The following PXK variants were observed in gnomAD, a reference collection of about 807,000 sequenced individuals.
The protein encoded by PXK is PX domain containing serine/threonine kinase like.
Under a neutral mutation model 84.7 loss-of-function variants are expected in PXK, and 35 were observed. That is an observed-to-expected ratio of 0.41 (90% CI 0.32 to 0.55). The LOEUF (loss-of-function observed/expected upper bound fraction) is 0.55. PXK is among the 20% of genes least tolerant of loss of function. The pLI, the probability that PXK is intolerant of heterozygous loss-of-function variation, is 0.21. For missense variants in PXK, 634 were observed against 699.7 expected (o/e 0.91, Z 1.06); for synonymous variants, 253 against 260.8 (o/e 0.97, Z 0.29).
Position 58,421,754 on chromosome 3 carries a change from A to T in PXK, c.1529-2998A>T. ...AGGTTCCCGTGTGGTTTGGTGGAGA[A>T]GATTTTGGGGTGGGTAGAGTAAGTA... is the stretch of plus-strand genomic sequence containing the variant. On this transcript the variant is annotated intron_variant, in intron 17 of 17. Transcript: ENST00000356151. The surrounding 1 kb of genome is among the most constrained non-coding windows in gnomAD (Gnocchi z 5.5). The T allele has an allele frequency of 2.0e-6, 2 of 985,370 alleles. No individual in the cohort carries two copies. Among genetic ancestry groups the T allele is most frequent in the Non-Finnish European group, 2.4e-6 (2 of 829,928 alleles). 61.0% of individuals were successfully genotyped at this position (985,370 alleles called of 1,614,324 possible).
At chr3:58,402,205 TCTC>T (rs993374608) in intron 12 of PXK, among the ~76,000 whole-genome samples, 2 of 151,566 alleles carry the variant, frequency 1.3e-5, no homozygotes, top group East Asian at 2.0e-4. Context: ...CCTCTTTCCC[TCTC>T]CTCCTCCTCT....
chr3:58,359,361 C>T (rs556431382), intron 1 of PXK, among the ~76,000 whole-genome samples: 2 of 151,882 alleles, frequency 1.3e-5, no homozygotes, highest in Admixed American at 6.6e-5. Context: ...GAAACCCCCT[C>T]TCTACTGAAA....
chr3:58,339,517 A>G (rs1170555317), intron 1 of PXK, among the ~76,000 whole-genome samples: 1 of 152,056 alleles, frequency 6.6e-6, no homozygotes, highest in African/African-American at 2.4e-5. Flanking sequence ...GGCATGAGCT[A>G]CCGTGCCCAG....
At chr3:58,361,830 A>G (rs141573460) in intron 1 of PXK, among the ~76,000 whole-genome samples, 379 of 152,338 alleles carry the variant, frequency 2.5e-3, no homozygotes, top group African/African-American at 8.6e-3. Context: ...TTATGTGAAT[A>G]TAAGTTTTCA....
rs1472858439 is a variant in PXK at position 58,416,135 on chromosome 3, G to T, written c.1528+3172G>T. 1.3e-5 allele frequency among the ~76,000 whole-genome samples: 2 copies of T among 152,162 alleles called. No homozygotes were observed. Among genetic ancestry groups the T allele is most frequent in the Non-Finnish European group, 2.9e-5 (2 of 68,038 alleles). On this transcript the variant is annotated intron_variant, in intron 17 of 17. Transcript: ENST00000356151. The surrounding 1 kb of genome is among the most constrained non-coding windows in gnomAD (Gnocchi z 4.8). ...CTAATCTGGGATCTTTGTGGTGAGG[G>T]TCTTCAGTGGAGGCCTGAGCCTTTG... is the stretch of plus-strand genomic sequence containing the variant.
rs2058244753 is a variant in PXK, at chr3:58,399,490, G to T, written c.1181+113G>T. ...GATTCTTGCGGTCCCTGCAGAGTTG[G>T]CGTGGCCTGCTTGCTGATGGGCACT... On this transcript the variant is annotated intron_variant, in intron 12 of 17. Transcript: ENST00000356151. This position sits in a 1 kb window ranked among gnomAD's most constrained non-coding sequence, Gnocchi z 4.3. 9.2e-7 allele frequency: 1 copy of T among 1,083,494 alleles called. No individual in the cohort carries two copies. Among genetic ancestry groups the T allele is most frequent in the East Asian group, 2.6e-5 (1 of 39,196 alleles). 67.1% of individuals were successfully genotyped at this position (1,083,494 alleles called of 1,614,324 possible). A position where few individuals can be genotyped will look rare whatever the true frequency, so the allele number is the denominator to read the frequency against.
intron 1 of PXK, among the ~76,000 whole-genome samples, chr3:58,361,512 A>G (rs139864271): frequency 0.012 from 1,836 of 152,202 alleles, 19 homozygotes; most frequent in Non-Finnish European, 0.017. Context: ...TCTCACTACC[A>G]CAGCCTTAAC....
chr3:58,342,853 C>A (rs544670004), intron 1 of PXK, among the ~76,000 whole-genome samples: 2 of 152,060 alleles, frequency 1.3e-5, no homozygotes, highest in Non-Finnish European at 2.9e-5. Context: ...GCTTGCCTGG[C>A]GCGTTTAAGT....
intron 8 of PXK, 99 bp from the exon 9 acceptor site, chr3:58,395,559 C>T (rs1319751994): frequency 8.2e-6 from 7 of 851,372 alleles, no homozygotes; most frequent in East Asian, 2.5e-5. Context: ...CCATCTCTGG[C>T]GCCCCTAGCC....
chr3:58,377,492 C>CT (rs2098453155), intron 3 of PXK, among the ~76,000 whole-genome samples: 1 of 151,832 alleles, frequency 6.6e-6, no homozygotes, highest in Admixed American at 6.6e-5. Flanking sequence ...TCATGCTTTG[C>CT]TTTTTATGTT....
chr3:58,344,988 G>T (rs948055788), intron 1 of PXK, among the ~76,000 whole-genome samples: 1 of 152,184 alleles, frequency 6.6e-6, no homozygotes, highest in Non-Finnish European at 1.5e-5. Flanking sequence ...TCCAACATCA[G>T]TACATAGACA....
intron 1 of PXK, among the ~76,000 whole-genome samples, chr3:58,355,594 A>G (rs1159118878): frequency 1.3e-5 from 2 of 152,226 alleles, no homozygotes; most frequent in Non-Finnish European, 2.9e-5. Flanking sequence ...AGTACCTACT[A>G]CTGTGCAGTG....
At chr3:58,396,906 A>G (rs1394300987) in intron 9 of PXK, 133 bp from the exon 10 acceptor site, 2 of 952,104 alleles carry the variant, frequency 2.1e-6, no homozygotes, top group African/African-American at 3.3e-5. Flanking sequence ...TAGAGGTGGC[A>G]TTTTTCTTCA....
chr3:58,397,077 G>A lies in PXK; in HGVS notation c.861G>A (p.Gly287=), dbSNP rs777953852. 6 of 1,614,148 alleles carry A rather than the reference G, an allele frequency of 3.7e-6. No homozygotes were observed. Among genetic ancestry groups the A allele is most frequent in the Non-Finnish European group, 4.2e-6 (5 of 1,180,010 alleles). ...TTCATGACAAGGGATTCCCTTATGG[G>A]CATCTTCACGCCTCCAATGTGATGC... The part of the protein sequence containing the change: ...KFLHDKGFPY[G]HLHASNVMLD... Residue 287 remains glycine, a synonymous_variant, in exon 10 of 18, where the codon GGG becomes GGA. Transcript: ENST00000356151. This position sits in a 1 kb window ranked among gnomAD's most constrained non-coding sequence, Gnocchi z 4.7.
chr3:58,348,937 G>A (rs1038507069), intron 1 of PXK, among the ~76,000 whole-genome samples: 6 of 151,286 alleles, frequency 4.0e-5, no homozygotes, highest in African/African-American at 1.5e-4. Flanking sequence ...AATATGTTTT[G>A]CATTCCTCTT....
rs2098351522 is a variant in PXK at position 58,370,549 on chromosome 3, G to A, written c.201+1071G>A. On this transcript the variant is annotated intron_variant, in intron 3 of 17. Transcript: ENST00000356151. This position sits in a 1 kb window ranked among gnomAD's most constrained non-coding sequence, Gnocchi z 4.2. ...TGAGGTAAAGGACTCAGCCAGGAGGGAAAGGACTGCTCCCGTCATTGGTGA... is the reference window on the plus strand; with the variant it reads ...TGAGGTAAAGGACTCAGCCAGGAGGAAAAGGACTGCTCCCGTCATTGGTGA... 6.6e-5 allele frequency among the ~76,000 whole-genome samples: 10 copies of A among 152,282 alleles called. No individual in the cohort carries two copies. The highest frequency in any genetic ancestry group is 6.5e-4 in the Admixed American group (10 of 15,300).
chr3:58,409,550 C>CT lies in PXK; in HGVS notation c.1328dup (p.Thr444AspfsTer10). On this transcript the variant is annotated frameshift_variant, in exon 15 of 18. Transcript: ENST00000356151. LOFTEE classifies it high-confidence loss of function. The surrounding 1 kb of genome is among the most constrained non-coding windows in gnomAD (Gnocchi z 4.2). ...TTTAAAGATTCACCAGCATCGAAGA[C>CT]TGACAAGAGCTCAGTCCCACCATGG... 1 of 1,613,462 alleles carries CT rather than the reference C, an allele frequency of 6.2e-7. No individual in the cohort carries two copies. Among genetic ancestry groups the CT allele is most frequent in the South Asian group, 1.1e-5 (1 of 91,008 alleles).
At position 58,365,234 on chromosome 3, in the gene PXK, T is replaced by C. The variant is rs560963324; in HGVS notation, c.103-640T>C. ...GTATTTTCTTTCAGTTCAATGTATG[T>C]AATTTTTAATTTCCCTTGAGATTTT... is the stretch of plus-strand genomic sequence containing the variant. On this transcript the variant is annotated intron_variant, in intron 1 of 17. Transcript: ENST00000356151. 1.4e-4 allele frequency among the ~76,000 whole-genome samples: 22 copies of C among 152,274 alleles called. No homozygotes were observed. The South Asian group carries it at 4.3e-3, about 30-fold the overall frequency.
intron 4 of PXK, among the ~76,000 whole-genome samples, chr3:58,384,941 C>T (rs889315177): frequency 6.6e-6 from 1 of 152,158 alleles, no homozygotes; most frequent in African/African-American, 2.4e-5. Flanking sequence ...AATGAGTTCA[C>T]CTAAGGCCCC....
Sources: allele counts gnomAD v4.1 joint callset (sites outside exome capture counted in the v4.1 genomes callset), GRCh38; gene constraint gnomAD v4.1.1; non-coding constraint Gnocchi (gnomAD v3.1); transcripts MANE v1.5; gene names NCBI Gene and HGNC (gene_info 2026-07-23, HGNC 2026-07-21).